The following SEMA4B variants were observed in gnomAD, a reference collection of about 807,000 sequenced individuals.
SEMA4B encodes the protein semaphorin-4B.
SEMA4B carries 55 observed loss-of-function variants against 88.1 expected under a neutral mutation model. That is an observed-to-expected ratio of 0.62 (90% confidence interval 0.50 to 0.78). The LOEUF (loss-of-function observed/expected upper bound fraction) is 0.78, where lower values mean the gene tolerates loss of function less well. Ranked by LOEUF, SEMA4B falls within the 30% of genes least tolerant of loss-of-function variation. SEMA4B has a pLI of 0.00. For missense variants in SEMA4B, 1,062 were observed against 1,111.9 expected (o/e 0.96, Z 0.64); for synonymous variants, 525 against 473.6 (o/e 1.11, Z -1.41).
In SEMA4B at chr15:90,208,024, G is replaced by A. The variant is rs550317236; in HGVS notation, c.157+6289G>A. ...TCCCAGCACTTTGGGAGGCCGAGGC[G>A]GGTGGACCACTTGAGGTCAGGAGTT... On this transcript the variant is annotated intron_variant, in intron 1 of 13. Transcript: ENST00000411539. 2.6e-5 allele frequency among the ~76,000 whole-genome samples: 4 copies of A among 152,290 alleles called. No individual in the cohort carries two copies. In the East Asian group the frequency reaches 7.7e-4, roughly 29 times the overall value.
chr15:90,227,806 C>T, intron 13 of SEMA4B, 98 bp from the exon 14 acceptor site: 2 of 1,558,198 alleles, frequency 1.3e-6, no homozygotes, highest in East Asian at 2.3e-5. Context: ...CGGAGTTGCC[C>T]ATCGTGGCAC....
intron 1 of SEMA4B, chr15:90,190,626 G>A (rs972045509): frequency 2.0e-5 from 3 of 152,310 alleles, no homozygotes; most frequent in African/African-American, 4.8e-5. Flanking sequence ...CCCTCACAGG[G>A]GTCTGGTGCT....
intron 1 of SEMA4B, 94 bp downstream of exon 1, chr15:90,201,829 G>A: frequency 8.0e-7 from 1 of 1,250,812 alleles, no homozygotes; most frequent in African/African-American, 1.6e-5. Context: ...GGACCAAGGA[G>A]GGGACCTGTC....
rs531201840 is a variant in SEMA4B, at chr15:90,201,575, C to G, written c.-4C>G. The G allele has an allele frequency of 1.1e-5, 17 of 1,493,188 alleles. No homozygotes were observed. The East Asian group carries it at 4.2e-4, about 37-fold the overall frequency. 92.5% of individuals were successfully genotyped at this position (1,493,188 alleles called of 1,614,324 possible). ...CGCGGGACACCGTCGCTCCTGCTCTCCGAATGCTGCGCACCGCGATGGGCC... is the reference window on the plus strand; with the variant it reads ...CGCGGGACACCGTCGCTCCTGCTCTGCGAATGCTGCGCACCGCGATGGGCC... On this transcript the variant is annotated 5_prime_UTR_variant, in exon 1 of 14. Transcript: ENST00000411539.
chr15:90,206,499 C>G, intron 1 of SEMA4B: 1 of 315,622 alleles, frequency 3.2e-6, no homozygotes, highest in Non-Finnish European at 5.9e-6. Flanking sequence ...CCTGCTGCCA[C>G]CAAGTCATGC....
At chr15:90,186,710 G>A (rs1364437547) in intron 1 of SEMA4B, among the ~76,000 whole-genome samples, 1 of 152,162 alleles carries the variant, frequency 6.6e-6, no homozygotes, top group Non-Finnish European at 1.5e-5. Flanking sequence ...GGCCGAGATG[G>A]GCGGAGAGGT....
chr15:90,217,322 T>C (rs1280892247), intron 1 of SEMA4B, 117 bp from the exon 2 acceptor site: 8 of 1,052,522 alleles, frequency 7.6e-6, no homozygotes, highest in Non-Finnish European at 1.1e-5. Flanking sequence ...CCCCTTGCCA[T>C]TGCCACCCTT....
At chr15:90,204,976 T>C (rs1023158189) in intron 1 of SEMA4B, among the ~76,000 whole-genome samples, 1 of 152,190 alleles carries the variant, frequency 6.6e-6, no homozygotes, top group Admixed American at 6.5e-5. Context: ...GATTTCACCA[T>C]GTTGTCCAGG....
In SEMA4B at chr15:90,201,394, C is replaced by G; in HGVS notation, c.-185C>G. 7.8e-7 allele frequency: 1 copy of G among 1,274,682 alleles called. No individual in the cohort carries two copies. The highest frequency in any genetic ancestry group is 9.9e-7 in the Non-Finnish European group (1 of 1,012,176). 79.0% of individuals were successfully genotyped at this position (1,274,682 alleles called of 1,614,324 possible). ...CGGCGCCGGCGGGAGGACTGCGGTG[C>G]CCCGCGGAGGGGCTGAGTTTGCCAG... On this transcript the variant is annotated 5_prime_UTR_variant, in exon 1 of 14. Transcript: ENST00000411539.
chr15:90,224,869 G>A, intron 9 of SEMA4B, 99 bp from the exon 10 acceptor site: 1 of 992,330 alleles, frequency 1.0e-6, no homozygotes, highest in East Asian at 2.4e-5. Context: ...CTCCGGGCGG[G>A]GGGACAGACA....
chr15:90,213,213 G>A (rs747779188), intron 1 of SEMA4B, among the ~76,000 whole-genome samples: 5 of 152,206 alleles, frequency 3.3e-5, no homozygotes, highest in Non-Finnish European at 7.3e-5. Context: ...GGAAAACGGG[G>A]CTTTGAGAGG....
rs76356360 is a variant in SEMA4B, at chr15:90,213,816, G to C, written c.158-3623G>C. 9.2e-3 allele frequency among the ~76,000 whole-genome samples: 1,401 copies of C among 152,314 alleles called. 63 individuals are homozygous for C. Among genetic ancestry groups the C allele is most frequent in the East Asian group, 0.073 (378 of 5,184 alleles). On this transcript the variant is annotated intron_variant, in intron 1 of 13. Transcript: ENST00000411539. ...AAAATCCAAAAGATAAGAAGGGACCGCAGTGTCTGTCTTGGTCTCACTCCT... is the reference window on the plus strand; with the variant it reads ...AAAATCCAAAAGATAAGAAGGGACCCCAGTGTCTGTCTTGGTCTCACTCCT...
At chr15:90,213,011 A>T (rs535862114) in intron 1 of SEMA4B, among the ~76,000 whole-genome samples, 1 of 152,242 alleles carries the variant, frequency 6.6e-6, no homozygotes, top group Admixed American at 6.5e-5. Context: ...TTTGTTTTTG[A>T]GTCACTCATT....
intron 12 of SEMA4B, among the ~76,000 whole-genome samples, chr15:90,226,945 A>G (rs946703571): frequency 2.0e-5 from 3 of 152,236 alleles, no homozygotes; most frequent in Non-Finnish European, 4.4e-5. Context: ...AAAGATGAGA[A>G]CACATCAAAA....
Position 90,229,599 on chromosome 15 carries a change from C to T in SEMA4B, c.*956C>T, listed in dbSNP as rs7024. 174,513 of 332,846 alleles carry T rather than the reference C, an allele frequency of 0.52. 47,062 individuals are homozygous for T. Among genetic ancestry groups the T allele is most frequent in the East Asian group, 0.81 (8,365 of 10,374 alleles). The allele number at this position is 332,846 out of a possible 1,614,324, so 20.6% of individuals were successfully genotyped here. The stretch of plus-strand genomic sequence containing the variant: ...GCCCTGAATTTATGTGGTTTTTATA[C>T]ATTTTTTAATAAGATGCACTTTATG... On this transcript the variant is annotated 3_prime_UTR_variant, in exon 14 of 14. Transcript: ENST00000411539.
chr15:90,186,503 C>T (rs559795266), intron 1 of SEMA4B, among the ~76,000 whole-genome samples: 6 of 152,170 alleles, frequency 3.9e-5, no homozygotes, highest in African/African-American at 1.4e-4. Flanking sequence ...CCTGTAATCG[C>T]AGCGACTTGG....
At position 90,217,524 on chromosome 15, in the gene SEMA4B, C is replaced by T. The variant is rs142324716; in HGVS notation, c.243C>T (p.Thr81=). 3 of 1,613,972 alleles carry T rather than the reference C, an allele frequency of 1.9e-6. No homozygotes were observed. The highest frequency in any genetic ancestry group is 2.5e-6 in the Non-Finnish European group (3 of 1,179,890). Residue 81 remains threonine, a synonymous_variant, in exon 2 of 14, where the codon ACC becomes ACT. Transcript: ENST00000411539. ...TALLLSRDGR[T]LYVGAREALF... ...TTCTGCTGAGCAGGGATGGCAGGAC[C>T]CTGTACGTGGGTGCTCGAGAGGCCC...
intron 1 of SEMA4B, among the ~76,000 whole-genome samples, chr15:90,186,991 C>T (rs111935738): frequency 5.9e-5 from 9 of 152,232 alleles, no homozygotes; most frequent in African/African-American, 2.2e-4. Context: ...AGATTGGGGA[C>T]ATTGGCAACA....
intron 1 of SEMA4B, among the ~76,000 whole-genome samples, chr15:90,185,354 T>A (rs911181834): frequency 6.6e-6 from 1 of 152,316 alleles, no homozygotes; most frequent in Admixed American, 6.5e-5. Flanking sequence ...GCACCACCCC[T>A]ACTCCTAAAC....
Sources: gnomAD v4.1 joint callset for allele counts (sites outside exome capture counted in the v4.1 genomes callset) on GRCh38, gnomAD v4.1.1 for gene constraint, MANE v1.5 for transcripts, NCBI Gene and HGNC (gene_info 2026-07-23, HGNC 2026-07-21) for gene names.